DGLUCY: variants seen among roughly 807,000 people sequenced by gnomAD.
DGLUCY encodes D-glutamate cyclase.
DGLUCY carries 58 observed loss-of-function variants against 58.5 expected under a neutral mutation model. The ratio of observed to expected loss-of-function variants is 0.99; its 90% CI spans 0.80 to 1.23. The LOEUF (loss-of-function observed/expected upper bound fraction) is 1.23, where lower values mean the gene tolerates loss of function less well. DGLUCY is among the 50% of genes most tolerant of loss of function. The pLI is 0.00. For synonymous variants in DGLUCY, 325 were observed against 314.1 expected, an observed-to-expected ratio of 1.03 and a Z score of -0.37; for missense variants, 779 against 784.7, an observed-to-expected ratio of 0.99 and a Z score of 0.09.
intron 5 of DGLUCY, among the ~76,000 whole-genome samples, chr14:91,171,906 G>A (rs1178871608): frequency 6.6e-6 from 1 of 152,090 alleles, no homozygotes; most frequent in Non-Finnish European, 1.5e-5. Flanking sequence ...CTCCTGTGAT[G>A]TTCTCCCTTG....
chr14:91,123,927 C>CTTTT (rs113927504), intron 1 of DGLUCY, among the ~76,000 whole-genome samples: 1 of 131,754 alleles, frequency 7.6e-6, no homozygotes, highest in Non-Finnish European at 1.6e-5. Flanking sequence ...AATAATCAGA[C>CTTTT]TTTTTTTTTT....
intron 5 of DGLUCY, among the ~76,000 whole-genome samples, chr14:91,170,402 C>A (rs1219057327): frequency 6.6e-6 from 1 of 152,224 alleles, no homozygotes; most frequent in African/African-American, 2.4e-5. Context: ...ACCTCTGGGA[C>A]CACTGTGAGC....
chr14:91,211,212 G>A (rs1344233768), intron 12 of DGLUCY, among the ~76,000 whole-genome samples: 2 of 152,186 alleles, frequency 1.3e-5, no homozygotes, highest in Non-Finnish European at 2.9e-5. Flanking sequence ...GATATTCCAT[G>A]TTCATGGATA....
intron 1 of DGLUCY, among the ~76,000 whole-genome samples, chr14:91,062,608 T>C (rs2043748442): frequency 1.8e-4 from 5 of 28,040 alleles, no homozygotes; most frequent in South Asian, 1.8e-3. Flanking sequence ...TATATATATA[T>C]ATAAACAATC....
chr14:91,112,275 A>G (rs1284079274), upstream of DGLUCY, among the ~76,000 whole-genome samples: 3 of 152,090 alleles, frequency 2.0e-5, no homozygotes, highest in South Asian at 2.1e-4. Context: ...AGAGTTTAAC[A>G]TAACAGGTGG....
intron 11 of DGLUCY, among the ~76,000 whole-genome samples, chr14:91,204,013 AT>A (rs59316027): frequency 0.08 from 12,159 of 152,296 alleles, 557 homozygotes; most frequent in South Asian, 0.16. Flanking sequence ...GGGTAGAGGT[AT>A]CTGCTAGTTA....
chr14:91,220,721 A>G (rs1452447710), intron 13 of DGLUCY: 1 of 451,634 alleles, frequency 2.2e-6, no homozygotes, highest in Non-Finnish European at 4.5e-6. Flanking sequence ...TGATTATACC[A>G]GCCCCATCTT....
intron 1 of DGLUCY, among the ~76,000 whole-genome samples, chr14:91,144,962 A>G (rs898239054): frequency 2.6e-5 from 4 of 152,066 alleles, no homozygotes; most frequent in Admixed American, 2.0e-4. Context: ...GCTTTGTGTG[A>G]GTCTGGGAGT....
intron 9 of DGLUCY, among the ~76,000 whole-genome samples, chr14:91,192,850 G>A (rs1025845502): frequency 2.6e-5 from 4 of 152,148 alleles, no homozygotes; most frequent in African/African-American, 4.8e-5. Context: ...TGTGTTGCAC[G>A]TATTTTACCA....
chr14:91,101,538 G>A (rs10139335), intron 1 of DGLUCY, among the ~76,000 whole-genome samples: 17,371 of 152,240 alleles, frequency 0.11, 1,086 homozygotes, highest in Admixed American at 0.15. Flanking sequence ...CCACCAGGAC[G>A]TTGGAAGTCG....
intron 1 of DGLUCY, among the ~76,000 whole-genome samples, chr14:91,118,036 G>A (rs1334478425): frequency 1.3e-5 from 2 of 149,270 alleles, no homozygotes; most frequent in East Asian, 4.0e-4. Flanking sequence ...AAGCTTCCAG[G>A]TAGCAGACTT....
intron 1 of DGLUCY, among the ~76,000 whole-genome samples, chr14:91,062,604 TATATATAA>T (rs1242467915): frequency 0.088 from 2,637 of 30,118 alleles, 159 homozygotes; most frequent in Non-Finnish European, 0.1. Context: ...TATATATATA[TATATATAA>T]ACAATCCTTA....
chr14:91,067,439 C>T (rs1450833919), intron 1 of DGLUCY, among the ~76,000 whole-genome samples: 1 of 152,192 alleles, frequency 6.6e-6, no homozygotes, highest in African/African-American at 2.4e-5. Flanking sequence ...ACACCCAAGG[C>T]CCACCACATC....
chr14:91,199,262 A>AT (rs537076261), intron 10 of DGLUCY, among the ~76,000 whole-genome samples: 26,453 of 142,762 alleles, frequency 0.19, 2,446 homozygotes, highest in Middle Eastern at 0.21. Flanking sequence ...CCAATGCTGG[A>AT]TTTTTTTTTT....
At chr14:91,198,322 A>G (rs936856371) in intron 10 of DGLUCY, among the ~76,000 whole-genome samples, 1 of 149,288 alleles carries the variant, frequency 6.7e-6, no homozygotes, top group African/African-American at 2.5e-5. Flanking sequence ...GAGATTGCAG[A>G]CATGAGCCAC....
chr14:91,174,215 A>G (rs1440950317), intron 6 of DGLUCY, among the ~76,000 whole-genome samples: 3 of 152,150 alleles, frequency 2.0e-5, no homozygotes. Flanking sequence ...TAAGGAGGGC[A>G]TGGAAGCTCC....
intron 1 of DGLUCY, chr14:91,147,685 A>G (rs1318023641): frequency 6.6e-6 from 1 of 152,248 alleles, no homozygotes; most frequent in Non-Finnish European, 1.5e-5. Flanking sequence ...GAGAGGATCA[A>G]GTTGAAAGGG....
intron 1 of DGLUCY, among the ~76,000 whole-genome samples, chr14:91,142,811 CACACACACACA>C (rs1459193880): frequency 1.1e-3 from 3 of 2,762 alleles, no homozygotes; most frequent in South Asian, 0.038. Context: ...TAAACACACA[CACACACACACA>C]ACACACCATC....
chr14:91,142,284 A>G (rs979392445), intron 1 of DGLUCY, among the ~76,000 whole-genome samples: 1 of 152,312 alleles, frequency 6.6e-6, no homozygotes, highest in Admixed American at 6.5e-5. Flanking sequence ...AGTCTAATTC[A>G]GTAGGAATAG....
Sources: allele counts gnomAD v4.1 joint callset (sites outside exome capture counted in the v4.1 genomes callset), GRCh38; gene constraint gnomAD v4.1.1; transcripts MANE v1.5; gene names NCBI Gene and HGNC (gene_info 2026-07-23, HGNC 2026-07-21).